The following CR1 variants were observed in gnomAD, a reference collection of about 807,000 sequenced individuals.
CR1 encodes the protein complement receptor type 1.
In CR1, 116 loss-of-function variants were observed where a neutral mutation model predicts 187.3. The observed-to-expected ratio is 0.62, with a 90% CI of 0.53 to 0.72. The LOEUF is 0.72. CR1 is among the 30% of genes least tolerant of loss of function. The pLI is 0.00. For synonymous variants in CR1, 576 were observed against 747.1 expected (o/e 0.77, Z 3.73); for missense variants, 1,731 against 2,110.7 (o/e 0.82, Z 3.52).
At chr1:207,504,526 C>G (rs1310154723) in intron 1 of CR1, among the ~76,000 whole-genome samples, 1 of 151,426 alleles carries the variant, frequency 6.6e-6, no homozygotes, top group African/African-American at 2.4e-5. Flanking sequence ...ACAAGTACTC[C>G]CCCCAAAATC....
intron 45 of CR1, among the ~76,000 whole-genome samples, chr1:207,626,500 G>T (rs1017786810): frequency 1.2e-4 from 19 of 152,212 alleles, no homozygotes; most frequent in African/African-American, 4.3e-4. Flanking sequence ...TCATGGCAAA[G>T]AAGAAGGAAG....
At chr1:207,619,564 C>A (rs12036785) in intron 42 of CR1, among the ~76,000 whole-genome samples, 72,585 of 151,906 alleles carry the variant, frequency 0.48, 20,136 homozygotes, top group Non-Finnish European at 0.62. Context: ...TCCCTCACAG[C>A]GTGACCCCAG....
intron 28 of CR1, among the ~76,000 whole-genome samples, chr1:207,576,264 C>G (rs11587361): frequency 0.04 from 6,101 of 151,966 alleles, 169 homozygotes; most frequent in Non-Finnish European, 0.055. Flanking sequence ...CAGTTGGTGG[C>G]AGGATAAGTG....
At chr1:207,586,751 T>C (rs1025065220) in intron 33 of CR1, among the ~76,000 whole-genome samples, 1 of 152,208 alleles carries the variant, frequency 6.6e-6, no homozygotes, top group Admixed American at 6.5e-5. Context: ...TGTCTCTATA[T>C]GTCAAATCCC....
chr1:207,499,679 G>T (rs1331669197), intron 1 of CR1, among the ~76,000 whole-genome samples: 1 of 152,170 alleles, frequency 6.6e-6, no homozygotes, highest in African/African-American at 2.4e-5. Context: ...AATATAGGGT[G>T]GACTCTGGCG....
In CR1 at chr1:207,580,274, G is replaced by A; in HGVS notation, c.4971G>A (p.Glu1657=). ...CGCCTCCAGAAATCCTGCATGGTGA[G>A]CATACCCCAAGCCATCAGGACAACT... ...CQPPPEILHG[E]HTPSHQDNFS... Residue 1657 remains glutamate (E), a synonymous_variant, in exon 30 of 47, where the codon GAG becomes GAA. Transcript: ENST00000367049. 1 of 1,613,824 alleles carries A rather than the reference G, an allele frequency of 6.2e-7. No homozygotes were observed. The highest frequency in any genetic ancestry group is 8.5e-7 in the Non-Finnish European group (1 of 1,179,836).
chr1:207,595,161 C>T (rs1439325767), intron 35 of CR1, among the ~76,000 whole-genome samples: 1 of 146,754 alleles, frequency 6.8e-6, no homozygotes, highest in Non-Finnish European at 1.5e-5. Context: ...AAAAAAACAC[C>T]AAAGGGATAA....
chr1:207,593,435 T>G (rs1281628174), intron 35 of CR1, among the ~76,000 whole-genome samples: 1 of 152,164 alleles, frequency 6.6e-6, no homozygotes, highest in African/African-American at 2.4e-5. Context: ...ACCCCTTCCT[T>G]TACATCTTAT....
At chr1:207,581,207 C>CGTATACATATGGACACGTATATGTAGAT (rs1558245429) in intron 31 of CR1, among the ~76,000 whole-genome samples, 3 of 141,326 alleles carry the variant, frequency 2.1e-5, no homozygotes, top group Admixed American at 7.1e-5. Context: ...TATATGTAGA[C>CGTATACATATGGACACGTATATGTAGAT]GTATACATAT....
At chr1:207,585,001 A>C (rs1215646219) in intron 33 of CR1, 125 bp downstream of exon 33, 1 of 1,421,346 alleles carries the variant, frequency 7.0e-7, no homozygotes, top group Non-Finnish European at 9.5e-7. Context: ...TAAATGTCAA[A>C]ATTACATACC....
intron 1 of CR1, 95 bp downstream of exon 1, chr1:207,496,483 G>T: frequency 7.7e-7 from 1 of 1,297,446 alleles, no homozygotes; most frequent in Non-Finnish European, 1.0e-6. Flanking sequence ...GCGCTGCTCT[G>T]CGCGCCCGGG....
At chr1:207,619,595 C>T (rs557090824) in intron 42 of CR1, among the ~76,000 whole-genome samples, 2 of 152,186 alleles carry the variant, frequency 1.3e-5, no homozygotes, top group South Asian at 4.2e-4. Flanking sequence ...GCTAGATCAC[C>T]GTTAGCCTAA....
At position 207,580,550 on chromosome 1, in the gene CR1, G is replaced by A; in HGVS notation, c.5153G>A (p.Gly1718Asp). ...CDDFLGQLPHGRVLFPLNLQL... is the reference protein window; with the variant it reads ...CDDFLGQLPHDRVLFPLNLQL... ...GACTTCTTGGGTCAACTCCCTCATG[G>A]CCGTGTGCTATTTCCACTTAATCTC... Residue 1718 changes from glycine (G) to aspartate (D), a missense_variant, in exon 31 of 47, where the codon GGC becomes GAC. Physicochemically the swap from Gly to Asp is moderately conservative, Grantham distance 94. Coordinates refer to ENST00000367049, the MANE Select transcript of CR1 (RefSeq NM_000651.6). 1.2e-6 allele frequency: 2 copies of A among 1,612,738 alleles called. No homozygotes were observed. The highest frequency in any genetic ancestry group is 1.7e-6 in the Non-Finnish European group (2 of 1,179,708).
intron 44 of CR1, among the ~76,000 whole-genome samples, chr1:207,622,208 C>A (rs1571609458): frequency 6.6e-6 from 1 of 152,272 alleles, no homozygotes. Flanking sequence ...TACTAAATAA[C>A]CTTCATCAAA....
At chr1:207,617,963 G>T in intron 41 of CR1, 108 bp from the exon 42 acceptor site, 2 of 1,252,896 alleles carry the variant, frequency 1.6e-6, no homozygotes, top group Non-Finnish European at 2.2e-6. Flanking sequence ...GCTGGTTGAG[G>T]TCTTCATGTA....
chr1:207,594,533 A>G (rs1361035826), intron 35 of CR1, among the ~76,000 whole-genome samples: 2 of 152,172 alleles, frequency 1.3e-5, no homozygotes, highest in African/African-American at 4.8e-5. Flanking sequence ...GCAAACCACC[A>G]TGACATGTGT....
chr1:207,581,792 C>T, intron 31 of CR1, 126 bp from the exon 32 acceptor site: 1 of 585,676 alleles, frequency 1.7e-6, no homozygotes, highest in Non-Finnish European at 3.0e-6. Context: ...GTGTTTTCAC[C>T]TGTGCTTTAG....
intron 4 of CR1, among the ~76,000 whole-genome samples, chr1:207,522,835 G>T (rs1660038433): frequency 6.6e-6 from 1 of 151,966 alleles, no homozygotes; most frequent in Non-Finnish European, 1.5e-5. Flanking sequence ...TTGGGATTTG[G>T]GTTGAAGAAA....
intron 4 of CR1, among the ~76,000 whole-genome samples, chr1:207,516,971 C>T (rs1296698088): frequency 6.6e-6 from 1 of 151,954 alleles, no homozygotes; most frequent in African/African-American, 2.4e-5. Flanking sequence ...ACCTCCAGTA[C>T]AATATTGAAT....
Sources: gnomAD v4.1 joint callset for allele counts (sites outside exome capture counted in the v4.1 genomes callset) on GRCh38, gnomAD v4.1.1 for gene constraint, MANE v1.5 for transcripts, NCBI Gene and HGNC (gene_info 2026-07-23, HGNC 2026-07-21) for gene names.